Variants in ANKRD62 observed in about 807,000 individuals in gnomAD.
ANKRD62 encodes the protein ankyrin repeat domain-containing protein 62.
Under a neutral mutation model 98.8 loss-of-function variants are expected in ANKRD62, and 61 were observed. That is an observed-to-expected ratio of 0.62 (90% CI 0.50 to 0.76). The LOEUF (loss-of-function observed/expected upper bound fraction) is 0.76, where lower values mean the gene tolerates loss of function less well. Ranked by LOEUF, ANKRD62 falls within the 30% of genes least tolerant of loss-of-function variation. The pLI is 0.00. For synonymous variants in ANKRD62, 341 were observed against 367.9 expected (o/e 0.93, Z 0.84); for missense variants, 933 against 1,082.9 (o/e 0.86, Z 1.94).
intron 8 of ANKRD62, among the ~76,000 whole-genome samples, chr18:12,109,268 C>A (rs1052901802): frequency 1.8e-4 from 27 of 152,190 alleles, no homozygotes; most frequent in Non-Finnish European, 5.9e-5. Flanking sequence ...GCAAAGGTTC[C>A]CAAACCTCAC....
intron 10 of ANKRD62, among the ~76,000 whole-genome samples, chr18:12,118,330 G>A (rs765921700): frequency 1.2e-4 from 19 of 152,138 alleles, no homozygotes; most frequent in African/African-American, 1.7e-4. Flanking sequence ...TTTTTAGGCC[G>A]GGCACGGTGG....
chr18:12,102,278 G>A, intron 6 of ANKRD62: 1 of 748,436 alleles, frequency 1.3e-6, no homozygotes, highest in Non-Finnish European at 2.5e-6. Flanking sequence ...CACTAGTCCA[G>A]TGGAGAGACG....
the ANKRD62 span, among the ~76,000 whole-genome samples, chr18:12,140,390 G>A: frequency 2.0e-5 from 3 of 152,138 alleles, no homozygotes; most frequent in Admixed American, 2.0e-4. Flanking sequence ...TTGCTGGTGA[G>A]GAGCTGCGTT....
At chr18:12,140,271 A>T in the ANKRD62 span, among the ~76,000 whole-genome samples, 1 of 152,068 alleles carries the variant, frequency 6.6e-6, no homozygotes, top group African/African-American at 2.4e-5. Flanking sequence ...AAAGTTTTTA[A>T]CTTCTTTGCC....
chr18:12,177,188 C>G, the ANKRD62 span, among the ~76,000 whole-genome samples: 1 of 151,012 alleles, frequency 6.6e-6, no homozygotes, highest in Non-Finnish European at 1.5e-5. Context: ...CCCTATCAGC[C>G]TTCTCATGAG....
At chr18:12,160,975 A>G in the ANKRD62 span, among the ~76,000 whole-genome samples, 1 of 152,162 alleles carries the variant, frequency 6.6e-6, no homozygotes, top group South Asian at 2.1e-4. Context: ...TCTGTGGCTG[A>G]TGCTGAAAAG....
At chr18:12,121,583 T>A (rs1230193088) in intron 10 of ANKRD62, among the ~76,000 whole-genome samples, 2 of 152,194 alleles carry the variant, frequency 1.3e-5, no homozygotes. Flanking sequence ...TTCTGTCCTG[T>A]GATTTCTCTC....
chr18:12,155,912 T>C, the ANKRD62 span, among the ~76,000 whole-genome samples: 1 of 152,134 alleles, frequency 6.6e-6, no homozygotes. Context: ...GGCTTAGGTA[T>C]TTGTCCCCTT....
intron 6 of ANKRD62, among the ~76,000 whole-genome samples, chr18:12,100,062 A>G (rs1413675611): frequency 6.6e-6 from 1 of 152,148 alleles, no homozygotes; most frequent in Admixed American, 6.5e-5. Flanking sequence ...CATTTAGTAA[A>G]TACATATTAC....
At chr18:12,112,932 G>A (rs1379892093) in intron 8 of ANKRD62, among the ~76,000 whole-genome samples, 1 of 152,132 alleles carries the variant, frequency 6.6e-6, no homozygotes, top group Non-Finnish European at 1.5e-5. Flanking sequence ...GTCTGGCGTT[G>A]TCTCCCAGGC....
At position 12,113,487 on chromosome 18, in the gene ANKRD62, G is replaced by A. The variant is rs185422256; in HGVS notation, c.1065-1601G>A. On this transcript the variant is annotated intron_variant, in intron 8 of 13. Transcript: ENST00000587848. ...CTAAAAATACAAAAATTAACCTGGC[G>A]TGGTGGCACTCGCCTATAATCCCTG... Among the ~76,000 whole-genome samples, 306 of 152,256 alleles carry A rather than the reference G, an allele frequency of 2.0e-3. 1 individual carries two copies. The highest frequency in any genetic ancestry group is 3.5e-3 in the Non-Finnish European group (236 of 68,014).
chr18:12,122,494 A>G lies in ANKRD62; in HGVS notation c.1432A>G (p.Lys478Glu), dbSNP rs1909802753. 2.0e-6 allele frequency: 3 copies of G among 1,518,094 alleles called. No homozygotes were observed. The highest frequency in any genetic ancestry group is 2.6e-6 in the Non-Finnish European group (3 of 1,141,308). The allele number at this position is 1,518,094 out of a possible 1,614,324, so 94.0% of individuals were successfully genotyped here. The change falls in exon 11 of 14, where the codon AAA becomes GAA. Residue 478 changes from lysine to glutamate, a missense_variant. Lys to Glu is a moderately conservative substitution (Grantham distance 56). Coordinates refer to ENST00000587848, the MANE Select transcript of ANKRD62 (RefSeq NM_001277333.2). ...GTCAGAGCATCAGAATCTTCAAGGG[A>G]AAAAAAAGCTCTGTAATTTGAGGTA... ...SQSEHQNLQG[K>E]KKLCNLRFIL...
intron 5 of ANKRD62, among the ~76,000 whole-genome samples, chr18:12,098,916 C>G (rs1243612336): frequency 6.6e-6 from 1 of 152,200 alleles, no homozygotes; most frequent in East Asian, 1.9e-4. Flanking sequence ...GTCTTGACAT[C>G]TGTTAGCTTT....
chr18:12,110,860 C>A (rs1456832477), intron 8 of ANKRD62, among the ~76,000 whole-genome samples: 1 of 152,134 alleles, frequency 6.6e-6, no homozygotes, highest in African/African-American at 2.4e-5. Context: ...TCCTGCCTTT[C>A]TAGTTGTTTT....
intron 6 of ANKRD62, among the ~76,000 whole-genome samples, chr18:12,101,432 C>T (rs1033777945): frequency 2.6e-5 from 4 of 152,268 alleles, no homozygotes; most frequent in Admixed American, 2.6e-4. Flanking sequence ...GCACTCCAAG[C>T]TTTTCTTCCT....
At chr18:12,170,958 C>CTT in the ANKRD62 span, among the ~76,000 whole-genome samples, 205 of 137,024 alleles carry the variant, frequency 1.5e-3, 1 homozygote, top group South Asian at 8.0e-3. Context: ...GCAACCCCTG[C>CTT]TTTTTTTTTT....
At chr18:12,136,602 G>A in the ANKRD62 span, among the ~76,000 whole-genome samples, 1 of 152,150 alleles carries the variant, frequency 6.6e-6, no homozygotes, top group Non-Finnish European at 1.5e-5. Flanking sequence ...TAGCTTGATG[G>A]GGATGGCATT....
At chr18:12,175,522 G>A in the ANKRD62 span, among the ~76,000 whole-genome samples, 5 of 151,920 alleles carry the variant, frequency 3.3e-5, no homozygotes, top group Non-Finnish European at 7.3e-5. Flanking sequence ...CCCAAGGGAA[G>A]CTATAGTTTG....
chr18:12,167,233 C>T, the ANKRD62 span, among the ~76,000 whole-genome samples: 83 of 151,888 alleles, frequency 5.5e-4, no homozygotes, highest in African/African-American at 1.9e-3. Context: ...TTTGCTGCAC[C>T]CATTAGCTCA....
Sources: allele counts gnomAD v4.1 joint callset (sites outside exome capture counted in the v4.1 genomes callset), GRCh38; gene constraint gnomAD v4.1.1; transcripts MANE v1.5; gene names NCBI Gene and HGNC (gene_info 2026-07-23, HGNC 2026-07-21).